ZSWIM9: variants seen among roughly 807,000 people sequenced by gnomAD.
ZSWIM9 encodes the protein uncharacterized protein ZSWIM9.
Under a neutral mutation model 25.0 loss-of-function variants are expected in ZSWIM9, and 11 were observed. The ratio of observed to expected loss-of-function variants is 0.44; its 90% CI spans 0.28 to 0.73. The LOEUF is 0.73. Among genes scored for constraint, ZSWIM9 ranks in the 30% least tolerant of loss-of-function variants. The pLI, the probability that ZSWIM9 is intolerant of heterozygous loss-of-function variation, is 0.16. For missense variants in ZSWIM9, 1,070 were observed against 1,296.5 expected (o/e 0.83, Z 2.68); for synonymous variants, 562 against 582.1 (o/e 0.97, Z 0.50).
rs1279592150 is a variant in ZSWIM9 at position 48,182,685 on chromosome 19, C to A, written c.506C>A (p.Ser169Tyr). 1 of 1,535,730 alleles carries A rather than the reference C, an allele frequency of 6.5e-7. No individual in the cohort carries two copies. The highest frequency in any genetic ancestry group is 8.7e-7 in the Non-Finnish European group (1 of 1,146,590). The change falls in exon 3 of 4, where the codon TCC becomes TAC. Residue 169 changes from serine (S) to tyrosine (Y), a missense_variant. Ser to Tyr is a moderately radical substitution (Grantham distance 144). This residue lies in a region of ZSWIM9 where 265 missense variants were observed against 339.0 expected (regional missense o/e 0.78). Transcript: ENST00000614654. This position sits in a 1 kb window ranked among gnomAD's most constrained non-coding sequence, Gnocchi z 4.6. The part of the protein sequence containing the change: ...VAPADVRRLL[S>Y]YCKGRDHGVL... ...CCAGCCGACGTGCGCCGCCTGCTGT[C>A]CTACTGCAAGGGCCGCGACCACGGC...
At chr19:48,178,607 C>T (rs533042188) in intron 2 of ZSWIM9, among the ~76,000 whole-genome samples, 17 of 151,642 alleles carry the variant, frequency 1.1e-4, no homozygotes, top group African/African-American at 3.4e-4. Flanking sequence ...GACAGAGTCT[C>T]GCTCTGTCGC....
chr19:48,172,783 G>A (rs1479799569), intron 2 of ZSWIM9, among the ~76,000 whole-genome samples: 1 of 152,146 alleles, frequency 6.6e-6, no homozygotes, highest in Non-Finnish European at 1.5e-5. Context: ...CCAAAGTGCT[G>A]GGATTACAGC....
chr19:48,171,166 TGGCGAGCCATAG>T, intron 1 of ZSWIM9: 1 of 930,436 alleles, frequency 1.1e-6, no homozygotes, highest in East Asian at 1.2e-4. Context: ...CAGCTGCATG[TGGCGAGCCATAG>T]GGTCATAATC....
chr19:48,194,678 A>G lies in ZSWIM9; in HGVS notation c.614A>G (p.Gln205Arg). ...AKVKLVFVED[Q>R]AVVETVFFLT... ...GTGAAGCTGGTGTTCGTGGAGGACC[A>G]GGCTGTGGTGGAGACGGTGTTCTTC... Residue 205 changes from glutamine to arginine, a missense_variant, in exon 4 of 4, where the codon CAG becomes CGG. Gln to Arg is a conservative substitution (Grantham distance 43). Transcript: ENST00000614654. This position sits in a 1 kb window ranked among gnomAD's most constrained non-coding sequence, Gnocchi z 6.0. 1 of 1,515,064 alleles carries G rather than the reference A, an allele frequency of 6.6e-7. No homozygotes were observed. Among genetic ancestry groups the G allele is most frequent in the Non-Finnish European group, 8.8e-7 (1 of 1,134,734 alleles). 93.9% of individuals were successfully genotyped at this position (1,515,064 alleles called of 1,614,324 possible). A position where few individuals can be genotyped will look rare whatever the true frequency, so the allele number is the denominator to read the frequency against.
At chr19:48,191,397 G>C (rs1182165591) in intron 3 of ZSWIM9, among the ~76,000 whole-genome samples, 1 of 152,072 alleles carries the variant, frequency 6.6e-6, no homozygotes, top group Non-Finnish European at 1.5e-5. Context: ...TAGAGGTGGG[G>C]TTTCACCATG....
chr19:48,187,741 C>T (rs2037047483), intron 3 of ZSWIM9: 1 of 143,484 alleles, frequency 7.0e-6, no homozygotes, highest in Non-Finnish European at 1.5e-5. Flanking sequence ...AGTTCAAGAC[C>T]AGCCTGGCCA....
At chr19:48,171,717 G>C (rs2036816480) in intron 1 of ZSWIM9, 77 bp from the exon 2 acceptor site, 4 of 1,386,792 alleles carry the variant, frequency 2.9e-6, no homozygotes, top group Non-Finnish European at 3.8e-6. Flanking sequence ...CGACGGGGCA[G>C]GCCAAGAATG....
intron 3 of ZSWIM9, among the ~76,000 whole-genome samples, chr19:48,188,284 G>A (rs1374897749): frequency 2.0e-5 from 3 of 151,548 alleles, no homozygotes; most frequent in East Asian, 1.9e-4. Flanking sequence ...GTGCAGTGGC[G>A]CAATCTTGGC....
chr19:48,188,267 G>C (rs2037054661), intron 3 of ZSWIM9, among the ~76,000 whole-genome samples: 1 of 151,436 alleles, frequency 6.6e-6, no homozygotes, highest in South Asian at 2.1e-4. Flanking sequence ...CTGTCTCCCA[G>C]GCTGGAGTGC....
intron 3 of ZSWIM9, among the ~76,000 whole-genome samples, chr19:48,185,785 G>A (rs2436159): frequency 0.61 from 92,629 of 151,994 alleles, 29,439 homozygotes; most frequent in East Asian, 0.87. Context: ...GCAGGAGTTC[G>A]AGACCAGCAT....
chr19:48,175,152 A>G (rs571954518), intron 2 of ZSWIM9, among the ~76,000 whole-genome samples: 1 of 152,292 alleles, frequency 6.6e-6, no homozygotes, highest in South Asian at 2.1e-4. Flanking sequence ...GTGAGCTAAC[A>G]GACACACTAG....
At position 48,194,392 on chromosome 19, in the gene ZSWIM9, A is replaced by C. The variant is rs920437214; in HGVS notation, c.589-261A>C. Reference sequence around the variant, plus strand: ...GGCGGAGGAAACTGAGGCTCAGAGAAGCTAAAAGTGTCATGTGGAAAAAAT... The same window carrying C: ...GGCGGAGGAAACTGAGGCTCAGAGACGCTAAAAGTGTCATGTGGAAAAAAT... On this transcript the variant is annotated intron_variant, in intron 3 of 3. Coordinates refer to ENST00000614654, the MANE Select transcript of ZSWIM9 (RefSeq NM_199341.4). This position sits in a 1 kb window ranked among gnomAD's most constrained non-coding sequence, Gnocchi z 6.0. 6.6e-6 allele frequency among the ~76,000 whole-genome samples: 1 copy of C among 152,182 alleles called. No individual in the cohort carries two copies. Among genetic ancestry groups the C allele is most frequent in the Admixed American group, 6.5e-5 (1 of 15,278 alleles).
Position 48,196,046 on chromosome 19 carries a change from G to C in ZSWIM9, c.1982G>C (p.Arg661Thr). 1 of 1,261,922 alleles carries C rather than the reference G, an allele frequency of 7.9e-7. No homozygotes were observed. Among genetic ancestry groups the C allele is most frequent in the Non-Finnish European group, 9.9e-7 (1 of 1,005,768 alleles). The allele number at this position is 1,261,922 out of a possible 1,614,324, so 78.2% of individuals were successfully genotyped here. The change falls in exon 4 of 4, where the codon AGA becomes ACA. Residue 661 changes from arginine (R) to threonine (T), a missense_variant. Arg to Thr is a moderately conservative substitution (Grantham distance 71). Around this residue, in one of 4 missense-constraint regions of ZSWIM9, gnomAD observed 583 missense variants for 624.7 expected, o/e 0.93. Coordinates refer to ENST00000614654, the MANE Select transcript of ZSWIM9 (RefSeq NM_199341.4). ...GAGAAGGGGAGGGGGCTGGAGGTCAGAAACTTGAGGGGGATCCCCTTGGAG... is the reference window on the plus strand; with the variant it reads ...GAGAAGGGGAGGGGGCTGGAGGTCACAAACTTGAGGGGGATCCCCTTGGAG... ...EVEKGRGLEV[R>T]NLRGIPLEKS... is the part of the protein sequence containing the mutation.
chr19:48,196,023 G>A lies in ZSWIM9; in HGVS notation c.1959G>A (p.Glu653=), dbSNP rs2037160108. The change falls in exon 4 of 4, where the codon GAG becomes GAA. Residue 653 remains glutamate, a synonymous_variant. Coordinates refer to ENST00000614654, the MANE Select transcript of ZSWIM9 (RefSeq NM_199341.4). ...AEWKGPQSEV[E]KGRGLEVRNL... ...GGAAGGGGCCACAGTCAGAAGTAGA[G>A]AAGGGGAGGGGGCTGGAGGTCAGAA... 3.1e-6 allele frequency: 4 copies of A among 1,270,634 alleles called. No homozygotes were observed. The highest frequency in any genetic ancestry group is 4.0e-6 in the Non-Finnish European group (4 of 1,010,532). The allele number at this position is 1,270,634 out of a possible 1,614,324, so 78.7% of individuals were successfully genotyped here.
At chr19:48,187,563 A>AT (rs2037041210) in intron 3 of ZSWIM9, 20 of 22,322 alleles carry the variant, frequency 9.0e-4, no homozygotes, top group Non-Finnish European at 1.9e-3. Context: ...TATATTATAT[A>AT]TAATATTATA....
In ZSWIM9 at chr19:48,194,571, G is replaced by C. The variant is rs2037134100; in HGVS notation, c.589-82G>C. ...ATGGGTGGTCCCATTTCCGTAGAAG[G>C]GGAAACCGAGGTCGGGGAGCTGGGC... On this transcript the variant is annotated intron_variant, in intron 3 of 3. Transcript: ENST00000614654. The surrounding 1 kb of genome is among the most constrained non-coding windows in gnomAD (Gnocchi z 6.0). The C allele has an allele frequency of 1.5e-6, 2 of 1,323,944 alleles. No individual in the cohort carries two copies. The highest frequency in any genetic ancestry group is 3.1e-5 in the African/African-American group (2 of 64,958). The allele number at this position is 1,323,944 out of a possible 1,614,324, so 82.0% of individuals were successfully genotyped here. A position where few individuals can be genotyped will look rare whatever the true frequency, so the allele number is the denominator to read the frequency against.
Position 48,182,424 on chromosome 19 carries a change from G to A in ZSWIM9, c.276-31G>A. 6.7e-7 allele frequency: 1 copy of A among 1,483,184 alleles called. No homozygotes were observed. Among genetic ancestry groups the A allele is most frequent in the Non-Finnish European group, 9.0e-7 (1 of 1,107,264 alleles). 91.9% of individuals were successfully genotyped at this position (1,483,184 alleles called of 1,614,324 possible). ...AGGAAGAAGAGGGCAGCAGAGTGAT[G>A]TGACCAGGGCGGTGGTGGTTCCTCC... On this transcript the variant is annotated intron_variant, in intron 2 of 3. Transcript: ENST00000614654. This position sits in a 1 kb window ranked among gnomAD's most constrained non-coding sequence, Gnocchi z 4.6.
In ZSWIM9 at chr19:48,171,818, C is replaced by A; in HGVS notation, c.16C>A (p.Pro6Thr). MERPE[P>T]PPGTAAGQEE... is the part of the protein sequence containing the mutation. ...GGCCCCCAGGATGGAGCGGCCGGAG[C>A]CCCCACCCGGCACGGCTGCGGGGCA... is the stretch of plus-strand genomic sequence containing the variant. The change falls in exon 2 of 4, where the codon CCC becomes ACC. Residue 6 changes from proline to threonine, a missense_variant. Physicochemically the swap from Pro to Thr is conservative, Grantham distance 38. Transcript: ENST00000614654. The A allele has an allele frequency of 6.5e-7, 1 of 1,532,882 alleles. No individual in the cohort carries two copies. 95.0% of individuals were successfully genotyped at this position (1,532,882 alleles called of 1,614,324 possible). A position where few individuals can be genotyped will look rare whatever the true frequency, so the allele number is the denominator to read the frequency against.
chr19:48,194,944 G>A lies in ZSWIM9; in HGVS notation c.880G>A (p.Ala294Thr). 1.5e-6 allele frequency: 2 copies of A among 1,323,438 alleles called. No individual in the cohort carries two copies. Among genetic ancestry groups the A allele is most frequent in the South Asian group, 1.6e-5 (1 of 60,766 alleles). The allele number at this position is 1,323,438 out of a possible 1,614,324, so 82.0% of individuals were successfully genotyped here. The change falls in exon 4 of 4, where the codon GCC becomes ACC. Residue 294 changes from alanine to threonine, a missense_variant. By Grantham distance (58) the Ala-to-Thr change is moderately conservative. This residue lies in a region of ZSWIM9 where 184 missense variants were observed against 243.1 expected (regional missense o/e 0.76). Coordinates refer to ENST00000614654, the MANE Select transcript of ZSWIM9 (RefSeq NM_199341.4). The surrounding 1 kb of genome is among the most constrained non-coding windows in gnomAD (Gnocchi z 6.0). ...CAAGGGCCGCGTGCGCTGCCTCACC[G>A]CCGGGCCCGAGGTGGCGGCGCAGTT... ...DVKGRVRCLT[A>T]GPEVAAQLPA... is the part of the protein sequence containing the mutation.
Sources: gnomAD v4.1 joint callset for allele counts (sites outside exome capture counted in the v4.1 genomes callset) on GRCh38, gnomAD v4.1.1 for gene constraint, gnomAD v4.1.1 regional missense constraint, Gnocchi (gnomAD v3.1) non-coding constraint, MANE v1.5 for transcripts, NCBI Gene and HGNC (gene_info 2026-07-23, HGNC 2026-07-21) for gene names.